R3HDM2: variants seen among roughly 807,000 people sequenced by gnomAD.
R3HDM2 encodes the protein R3H domain-containing protein 2.
Under a neutral mutation model 124.5 loss-of-function variants are expected in R3HDM2, and 38 were observed. That is an observed-to-expected ratio of 0.31 (90% CI 0.24 to 0.40). The LOEUF is 0.40. R3HDM2 is among the 10% of genes least tolerant of loss of function. R3HDM2 has a pLI of 1.00. For synonymous variants in R3HDM2, 391 were observed against 448.0 expected (o/e 0.87, Z 1.61); for missense variants, 869 against 1,236.9 (o/e 0.70, Z 4.46).
chr12:57,322,076 A>C (rs2136318475), intron 2 of R3HDM2, among the ~76,000 whole-genome samples: 1 of 152,270 alleles, frequency 6.6e-6, no homozygotes, highest in African/African-American at 2.4e-5. Flanking sequence ...AAAAATACAA[A>C]AATTAGCCGA....
intron 1 of R3HDM2, among the ~76,000 whole-genome samples, chr12:57,401,392 G>T (rs1407145580): frequency 1.3e-5 from 2 of 152,032 alleles, no homozygotes. Flanking sequence ...CCAACCTAGA[G>T]GACAGCTCTA....
chr12:57,370,993 G>A (rs1407709477), intron 2 of R3HDM2, among the ~76,000 whole-genome samples: 2 of 147,790 alleles, frequency 1.4e-5, no homozygotes, highest in Non-Finnish European at 3.0e-5. Context: ...CTGATTAGAA[G>A]CAGCAACAGA....
At chr12:57,327,605 T>C (rs2057497106) in intron 2 of R3HDM2, among the ~76,000 whole-genome samples, 1 of 152,156 alleles carries the variant, frequency 6.6e-6, no homozygotes, top group African/African-American at 2.4e-5. Flanking sequence ...ACATTTGTGA[T>C]TTATGAGAGG....
At position 57,360,993 on chromosome 12, in the gene R3HDM2, G is replaced by A. The variant is rs144918242; in HGVS notation, c.-36+34756C>T. 9.0e-3 allele frequency among the ~76,000 whole-genome samples: 1,307 copies of A among 145,604 alleles called. 12 individuals are homozygous for A. Among genetic ancestry groups the A allele is most frequent in the African/African-American group, 0.032 (1,257 of 39,244 alleles). On this transcript the variant is annotated intron_variant, in intron 2 of 23. Transcript: ENST00000402412. Reference sequence around the variant, plus strand: ...CTTGAACCCAGGAGGCAGAGCTTGCGGTGAGCGGAGATGCACCACTGCCTC... The same window carrying A: ...CTTGAACCCAGGAGGCAGAGCTTGCAGTGAGCGGAGATGCACCACTGCCTC...
Position 57,259,038 on chromosome 12 carries a change from C to T in R3HDM2, c.2153G>A (p.Gly718Asp). Residue 718 changes from glycine to aspartate, a missense_variant, in exon 20 of 24, where the codon GGT becomes GAT. Physicochemically the swap from Gly to Asp is moderately conservative, Grantham distance 94. Around this residue, in one of 2 missense-constraint regions of R3HDM2, gnomAD observed 602 missense variants for 789.2 expected, o/e 0.76. Coordinates refer to ENST00000402412, the MANE Select transcript of R3HDM2 (RefSeq NM_001394031.1). ...GACATTCAGCTGCATGACCACTACACCTGGTCCAGAAGGTGACACTCCTGA... is the reference window on the plus strand; with the variant it reads ...GACATTCAGCTGCATGACCACTACATCTGGTCCAGAAGGTGACACTCCTGA... ...QYSGVSPSGPGVVVMQLNVPN... is the reference protein window; with the variant it reads ...QYSGVSPSGPDVVVMQLNVPN... The T allele has an allele frequency of 6.2e-7, 1 of 1,612,598 alleles. No individual in the cohort carries two copies. The highest frequency in any genetic ancestry group is 8.5e-7 in the Non-Finnish European group (1 of 1,179,590).
intron 1 of R3HDM2, chr12:57,415,483 G>A (rs2069485039): frequency 6.6e-6 from 1 of 151,972 alleles, no homozygotes; most frequent in Admixed American, 6.6e-5. Context: ...AAAAGGTTGT[G>A]GAGGAAAAGA....
Position 57,269,346 on chromosome 12 carries a change from AGCT to A in R3HDM2, c.1688_1690del (p.Gln563del). 1.2e-6 allele frequency: 2 copies of A among 1,614,090 alleles called. No homozygotes were observed. The highest frequency in any genetic ancestry group is 8.5e-7 in the Non-Finnish European group (1 of 1,180,020). On this transcript the variant is annotated inframe_deletion, in exon 16 of 24. Transcript: ENST00000402412. ...ACCAGGCTGCTGGGATGGCTGAGGC[AGCT>A]GCTGACCACGTTGGGGGCTATAGGC...
rs767243487 is a variant in R3HDM2, at chr12:57,254,966, TC to T, written c.2779del (p.Asp927ThrfsTer41). 1.2e-6 allele frequency: 2 copies of T among 1,612,882 alleles called. No homozygotes were observed. The highest frequency in any genetic ancestry group is 1.7e-6 in the Non-Finnish European group (2 of 1,179,428). ...AQGLPGGGGG[D>X]NSGTAENGRH... ...GCCATTCTCAGCAGTCCCACTGTTGTCCCCCCCACCCCCTCCAGGCAGCCCC... is the reference window on the plus strand; with the variant it reads ...GCCATTCTCAGCAGTCCCACTGTTGTCCCCCCACCCCCTCCAGGCAGCCCC... On this transcript the variant is annotated frameshift_variant, in exon 24 of 24. Coordinates refer to ENST00000402412, the MANE Select transcript of R3HDM2 (RefSeq NM_001394031.1). LOFTEE classifies it high-confidence loss of function.
At chr12:57,338,041 C>T (rs921872040) in intron 2 of R3HDM2, among the ~76,000 whole-genome samples, 12 of 152,182 alleles carry the variant, frequency 7.9e-5, no homozygotes, top group African/African-American at 2.9e-4. Flanking sequence ...CAGTGGCTCA[C>T]GCCTGTAATC....
At chr12:57,370,175 C>G (rs1444367250) in intron 2 of R3HDM2, among the ~76,000 whole-genome samples, 2 of 152,136 alleles carry the variant, frequency 1.3e-5, no homozygotes, top group African/African-American at 4.8e-5. Context: ...CCCCGCTGTT[C>G]TCATGCTAGT....
chr12:57,321,658 TAAAAC>T (rs558272275), intron 2 of R3HDM2, among the ~76,000 whole-genome samples: 1 of 150,732 alleles, frequency 6.6e-6, no homozygotes, highest in Non-Finnish European at 1.5e-5. Context: ...TCTTGGAAAA[TAAAAC>T]AAAACAAAAC....
chr12:57,351,788 T>A (rs1241476201), intron 2 of R3HDM2, among the ~76,000 whole-genome samples: 2 of 152,096 alleles, frequency 1.3e-5, no homozygotes, highest in Non-Finnish European at 2.9e-5. Context: ...CTTAATAAAT[T>A]GGAGTCAATA....
rs565812347 is a variant in R3HDM2, at chr12:57,274,774, C to T, written c.1345-4780G>A. 2.0e-5 allele frequency among the ~76,000 whole-genome samples: 3 copies of T among 152,158 alleles called. No individual in the cohort carries two copies. In the South Asian group the frequency reaches 6.2e-4, roughly 32 times the overall value. The stretch of plus-strand genomic sequence containing the variant: ...ATACCTAACCAAGGAGTTGAAAGAC[C>T]TCTACATGGAAAACTACAAAACACT... On this transcript the variant is annotated intron_variant, in intron 14 of 23. Transcript: ENST00000402412.
chr12:57,269,506 G>T, intron 15 of R3HDM2, 57 bp from the exon 16 acceptor site: 1 of 1,594,896 alleles, frequency 6.3e-7, no homozygotes, highest in Non-Finnish European at 8.5e-7. Context: ...CGCAACATCA[G>T]CATACTACTA....
At chr12:57,278,577 A>G (rs1011313905) in intron 14 of R3HDM2, among the ~76,000 whole-genome samples, 1 of 152,198 alleles carries the variant, frequency 6.6e-6, no homozygotes, top group Non-Finnish European at 1.5e-5. Context: ...CAGAAGGAGA[A>G]GCATAGTTTA....
At chr12:57,412,135 T>C (rs1048676087) in intron 1 of R3HDM2, among the ~76,000 whole-genome samples, 2 of 152,246 alleles carry the variant, frequency 1.3e-5, no homozygotes, top group Non-Finnish European at 2.9e-5. Context: ...CATTTCTTTA[T>C]AACAGTGTGA....
chr12:57,289,629 C>G (rs2048175715), intron 11 of R3HDM2, among the ~76,000 whole-genome samples: 1 of 152,204 alleles, frequency 6.6e-6, no homozygotes, highest in South Asian at 2.1e-4. Context: ...CATTTCCTGA[C>G]AAAGCCACTG....
chr12:57,357,118 A>G (rs1247064780), intron 2 of R3HDM2, among the ~76,000 whole-genome samples: 3 of 145,186 alleles, frequency 2.1e-5, no homozygotes, highest in Non-Finnish European at 4.5e-5. Context: ...ATAAATGAAT[A>G]AATAAATAAA....
chr12:57,329,767 A>AAAAAG (rs2057864748), intron 2 of R3HDM2, among the ~76,000 whole-genome samples: 1 of 120,030 alleles, frequency 8.3e-6, no homozygotes, highest in African/African-American at 2.8e-5. Context: ...AAAAGAAAAA[A>AAAAAG]AAAGAACAAC....
Sources: allele counts gnomAD v4.1 joint callset (sites outside exome capture counted in the v4.1 genomes callset), GRCh38; gene constraint gnomAD v4.1.1; regional missense constraint gnomAD v4.1.1; transcripts MANE v1.5; gene names NCBI Gene and HGNC (gene_info 2026-07-23, HGNC 2026-07-21).